The following NCOR2 variants were observed in gnomAD, a reference collection of about 807,000 sequenced individuals.
The protein encoded by NCOR2 is nuclear receptor corepressor 2, also known as CTG repeat protein 26.
NCOR2 carries 81 observed loss-of-function variants against 262.9 expected under a neutral mutation model. That is an observed-to-expected ratio of 0.31 (90% CI 0.26 to 0.37). NCOR2 has a LOEUF of 0.37. Among genes scored for constraint, NCOR2 ranks in the 10% least tolerant of loss-of-function variants. The pLI is 1.00. For missense variants in NCOR2, 3,385 were observed against 3,621.4 expected, an observed-to-expected ratio of 0.93 and a Z score of 1.68; for synonymous variants, 1,659 against 1,559.3, an observed-to-expected ratio of 1.06 and a Z score of -1.51.
At position 124,389,603 on chromosome 12, in the gene NCOR2, G is replaced by GC. The variant is rs1483438469; in HGVS notation, c.1877-3717dup. 6.6e-6 allele frequency among the ~76,000 whole-genome samples: 1 copy of GC among 150,834 alleles called. No homozygotes were observed. Among genetic ancestry groups the GC allele is most frequent in the Non-Finnish European group, 1.5e-5 (1 of 67,770 alleles). ...TCCGTGTCAGTTCCACCTGAGCTCT[G>GC]CCCCCTGCCTGGCCTGATGCTGCCG... is the stretch of plus-strand genomic sequence containing the variant. On this transcript the variant is annotated intron_variant, in intron 16 of 46. Transcript: ENST00000405201. This position sits in a 1 kb window ranked among gnomAD's most constrained non-coding sequence, Gnocchi z 4.4.
chr12:124,401,969 G>A (rs1045498282), intron 14 of NCOR2, among the ~76,000 whole-genome samples: 4 of 152,162 alleles, frequency 2.6e-5, no homozygotes, highest in Non-Finnish European at 5.9e-5. Flanking sequence ...CACTGCCATC[G>A]ATGATTCTAA....
intron 22 of NCOR2, among the ~76,000 whole-genome samples, chr12:124,361,752 T>G (rs1005769202): frequency 3.9e-5 from 6 of 152,212 alleles, no homozygotes; most frequent in Non-Finnish European, 7.3e-5. Flanking sequence ...GCTGTAGACA[T>G]GTTTTTGCGT....
At chr12:124,353,470 A>C in intron 27 of NCOR2, among the ~76,000 whole-genome samples, 1 of 152,208 alleles carries the variant, frequency 6.6e-6, no homozygotes, top group Non-Finnish European at 1.5e-5. Flanking sequence ...CTCCCTGTGG[A>C]CCATCTTGTT....
intron 1 of NCOR2, among the ~76,000 whole-genome samples, chr12:124,500,472 C>T (rs1181613721): frequency 2.0e-5 from 3 of 152,230 alleles, no homozygotes; most frequent in African/African-American, 2.4e-5. Context: ...AAATCCACAG[C>T]GGAAAGCTCA....
At position 124,375,064 on chromosome 12, in the gene NCOR2, G is replaced by C. The variant is rs191226487; in HGVS notation, c.2168-601C>G. Among the ~76,000 whole-genome samples, 8 of 152,326 alleles carry C rather than the reference G, an allele frequency of 5.3e-5. No individual in the cohort carries two copies. In the East Asian group the frequency reaches 1.3e-3, roughly 26 times the overall value. ...CACACGACTCCTTTAAGACCTCTAA[G>C]ACTGGGACCACCAACTCTCATGTGC... is the stretch of plus-strand genomic sequence containing the variant. On this transcript the variant is annotated intron_variant, in intron 18 of 46. Transcript: ENST00000405201.
chr12:124,498,925 C>T (rs528065929), upstream of NCOR2, among the ~76,000 whole-genome samples: 1 of 152,306 alleles, frequency 6.6e-6, no homozygotes, highest in African/African-American at 2.4e-5. Flanking sequence ...TATGAAATGT[C>T]CAGAACAGGC....
intron 44 of NCOR2, among the ~76,000 whole-genome samples, chr12:124,329,900 G>A (rs1332844860): frequency 1.3e-5 from 2 of 152,008 alleles, no homozygotes; most frequent in African/African-American, 4.8e-5. Flanking sequence ...TTGTTGTTTC[G>A]ACCAAATTGT....
intron 32 of NCOR2, among the ~76,000 whole-genome samples, 198 bp downstream of exon 34, chr12:124,344,399 G>A (rs892118163): frequency 1.3e-5 from 2 of 152,206 alleles, no homozygotes; most frequent in Non-Finnish European, 2.9e-5. Context: ...GAGACACCAC[G>A]GTGGTCTGGG....
intron 3 of NCOR2, among the ~76,000 whole-genome samples, chr12:124,478,328 C>G (rs1408654595): frequency 6.6e-6 from 1 of 152,226 alleles, no homozygotes; most frequent in Non-Finnish European, 1.5e-5. Flanking sequence ...TAGGGGCTGT[C>G]TGTCCCCCTT....
At chr12:124,536,911 C>T (rs968989243), upstream of NCOR2, among the ~76,000 whole-genome samples, 3 of 152,176 alleles carry the variant, frequency 2.0e-5, no homozygotes, top group Non-Finnish European at 4.4e-5. Flanking sequence ...GGTCCATCGA[C>T]AGGTGAACGG....
At position 124,494,482 on chromosome 12, in the gene NCOR2, C is replaced by T. The variant is rs966347692; in HGVS notation, c.105+665G>A. Among the ~76,000 whole-genome samples, 7 of 152,190 alleles carry T rather than the reference C, an allele frequency of 4.6e-5. No homozygotes were observed. The South Asian group carries it at 6.2e-4, about 14-fold the overall frequency. On this transcript the variant is annotated intron_variant, in intron 1 of 46. Transcript: ENST00000405201. Reference sequence around the variant, plus strand: ...GAGAAGAGGCAGGAAATGGGGCCCCCGCTGGGAAGTGGGGTGGGGTGGGGT... The same window carrying T: ...GAGAAGAGGCAGGAAATGGGGCCCCTGCTGGGAAGTGGGGTGGGGTGGGGT...
At chr12:124,475,848 C>A (rs1334510952) in intron 3 of NCOR2, among the ~76,000 whole-genome samples, 1 of 152,196 alleles carries the variant, frequency 6.6e-6, no homozygotes. Context: ...TCTGTTCACC[C>A]CACAGAACCG....
chr12:124,414,512 C>T (rs979691080), intron 13 of NCOR2, among the ~76,000 whole-genome samples: 2 of 152,190 alleles, frequency 1.3e-5, no homozygotes, highest in South Asian at 2.1e-4. Flanking sequence ...TCACTGGACT[C>T]CCAGGTCCCA....
Position 124,509,237 on chromosome 12 carries a change from G to T in NCOR2, c.-117-13869C>A, listed in dbSNP as rs964778623. ...AGCCAAAGTGGCACTGGCTTTGGTG[G>T]GGGGGGGGGGGGCTTAACTCTGAAC... On this transcript the variant is annotated intron_variant, in intron 1 of 46. Coordinates refer to the NCOR2 transcript ENST00000404621. Among the ~76,000 whole-genome samples, 12 of 100,400 alleles carry T rather than the reference G, an allele frequency of 1.2e-4. 1 individual carries two copies. The highest frequency in any genetic ancestry group is 2.7e-4 in the African/African-American group (10 of 36,490). 65.9% of individuals were successfully genotyped at this position (100,400 alleles called of 152,430 possible). A position where few individuals can be genotyped will look rare whatever the true frequency, so the allele number is the denominator to read the frequency against.
chr12:124,378,337 C>T lies in NCOR2; in HGVS notation c.2067G>A (p.Ala689=), dbSNP rs779587671. 2.5e-5 allele frequency: 40 copies of T among 1,613,744 alleles called. No homozygotes were observed. Among genetic ancestry groups the T allele is most frequent in the East Asian group, 4.5e-5 (2 of 44,896 alleles). The stretch of plus-strand genomic sequence containing the variant: ...GCGGGAATGCAGCCTCCTCGCTGGC[C>T]GCCGCCGGCGCTTTCTTCTTCTTCC... Residue 689 remains alanine (A), a synonymous_variant, in exon 18 of 47, where the codon GCG becomes GCA. Transcript: ENST00000405201. The surrounding 1 kb of genome is among the most constrained non-coding windows in gnomAD (Gnocchi z 4.2).
chr12:124,398,706 C>T (rs901060368), intron 15 of NCOR2, among the ~76,000 whole-genome samples: 4 of 152,250 alleles, frequency 2.6e-5, no homozygotes, highest in Non-Finnish European at 5.9e-5. Flanking sequence ...ACTCTGCACG[C>T]TGGACTCCAG....
intron 39 of NCOR2, 71 bp from the exon 42 acceptor site, chr12:124,335,351 C>T (rs1263913428): frequency 6.7e-7 from 1 of 1,503,630 alleles, no homozygotes; most frequent in Non-Finnish European, 8.9e-7. Context: ...ATCCCAGCCC[C>T]ATGCCTTTGA....
chr12:124,333,902 G>GCATGTGTGTGTGCGCA (rs1555299279), intron 41 of NCOR2, among the ~76,000 whole-genome samples: 5 of 140,914 alleles, frequency 3.5e-5, no homozygotes, highest in Admixed American at 6.9e-5. Flanking sequence ...GTGTGCGCGC[G>GCATGTGTGTGTGCGCA]CATGTGTGCG....
rs2051610076 is a variant in NCOR2, at chr12:124,548,558, T to C, written c.-164-12947A>G. The stretch of plus-strand genomic sequence containing the variant: ...TTGATATGAAAACAGAGGGTCTCGA[T>C]GGCAATGCTGTTCCCCCCCAAACAT... On this transcript the variant is annotated intron_variant, in intron 1 of 32. Coordinates refer to the NCOR2 transcript ENST00000458234. This position sits in a 1 kb window ranked among gnomAD's most constrained non-coding sequence, Gnocchi z 5.1. 6.6e-6 allele frequency among the ~76,000 whole-genome samples: 1 copy of C among 152,086 alleles called. No individual in the cohort carries two copies. Among genetic ancestry groups the C allele is most frequent in the Non-Finnish European group, 1.5e-5 (1 of 68,034 alleles).
Sources: gnomAD v4.1 joint callset for allele counts (sites outside exome capture counted in the v4.1 genomes callset) on GRCh38, gnomAD v4.1.1 for gene constraint, Gnocchi (gnomAD v3.1) non-coding constraint, MANE v1.5 for transcripts, NCBI Gene and HGNC (gene_info 2026-07-23, HGNC 2026-07-21) for gene names.